The following CFAP90 variants were observed in gnomAD, a reference collection of about 807,000 sequenced individuals.
CFAP90 encodes the protein cilia- and flagella-associated protein 90.
the CFAP90 span, among the ~76,000 whole-genome samples, chr5:7,841,931 G>A: frequency 3.3e-5 from 5 of 151,912 alleles, no homozygotes; most frequent in African/African-American, 4.8e-5. Flanking sequence ...CATGGCATAC[G>A]TTTACGTATG....
the CFAP90 span, among the ~76,000 whole-genome samples, chr5:7,835,741 C>T: frequency 1.3e-5 from 2 of 152,170 alleles, no homozygotes; most frequent in African/African-American, 4.8e-5. Flanking sequence ...ATTTTCATGG[C>T]ACTTCTCAAC....
chr5:7,843,712 G>A, the CFAP90 span, among the ~76,000 whole-genome samples: 4 of 152,188 alleles, frequency 2.6e-5, no homozygotes, highest in Admixed American at 1.3e-4. Context: ...GCTGAAACTC[G>A]AATTCAATCT....
chr5:7,850,798 AGC>A, the CFAP90 span: 1 of 232,094 alleles, frequency 4.3e-6, no homozygotes, highest in Non-Finnish European at 5.3e-6. Flanking sequence ...CCAGCCGCCC[AGC>A]CGCCCAGCCG....
chr5:7,851,039 C>A, the CFAP90 span: 1 of 1,240,530 alleles, frequency 8.1e-7, no homozygotes. Context: ...CCGTCCAGCG[C>A]CCCCGCCTTG....
chr5:7,835,565 G>C, the CFAP90 span: 1 of 903,070 alleles, frequency 1.1e-6, no homozygotes, highest in Non-Finnish European at 1.8e-6. Flanking sequence ...GCCCGATGGA[G>C]CACAGAGGCC....
chr5:7,838,274 A>C, the CFAP90 span, among the ~76,000 whole-genome samples: 2 of 152,196 alleles, frequency 1.3e-5, no homozygotes, highest in Admixed American at 1.3e-4. Context: ...AGAAAATATC[A>C]ATCACTTTGA....
At chr5:7,850,080 T>A in the CFAP90 span, among the ~76,000 whole-genome samples, 51 of 152,152 alleles carry the variant, frequency 3.4e-4, no homozygotes, top group Middle Eastern at 3.4e-3. Context: ...GGGTCCTATC[T>A]GAGCATTCCC....
chr5:7,850,826 GCCCAGCCGCCCAGCCT>G, the CFAP90 span: 1 of 729,640 alleles, frequency 1.4e-6, no homozygotes, highest in Non-Finnish European at 1.8e-6. Flanking sequence ...CCGCCCAGCC[GCCCAGCCGCCCAGCCT>G]TCCGGTCTCC....
chr5:7,848,033 C>A, the CFAP90 span, among the ~76,000 whole-genome samples: 1 of 152,188 alleles, frequency 6.6e-6, no homozygotes, highest in African/African-American at 2.4e-5. Context: ...ATTTTTTCCA[C>A]TGTTTATCTC....
At chr5:7,838,194 A>G in the CFAP90 span, among the ~76,000 whole-genome samples, 8,459 of 152,268 alleles carry the variant, frequency 0.056, 805 homozygotes, top group African/African-American at 0.19. Context: ...ATTCTGGATG[A>G]TGAGAAAAAT....
chr5:7,835,939 T>C, the CFAP90 span, among the ~76,000 whole-genome samples: 1 of 152,152 alleles, frequency 6.6e-6, no homozygotes. Context: ...GGCTGCGAAG[T>C]CCAAGTTCAA....
At chr5:7,843,601 G>A in the CFAP90 span, among the ~76,000 whole-genome samples, 1 of 152,044 alleles carries the variant, frequency 6.6e-6, no homozygotes, top group Admixed American at 6.6e-5. Context: ...GGTGATTGTG[G>A]AGTCAATTGT....
At chr5:7,832,172 GC>G in the CFAP90 span, 1 of 754,874 alleles carries the variant, frequency 1.3e-6, no homozygotes, top group Non-Finnish European at 2.1e-6. Context: ...CCACGCTGAA[GC>G]CAGGGGCTTC....
the CFAP90 span, among the ~76,000 whole-genome samples, chr5:7,838,243 G>T: frequency 2.0e-5 from 3 of 152,210 alleles, no homozygotes; most frequent in Non-Finnish European, 4.4e-5. Context: ...TCGTACACAT[G>T]AAAACAATAG....
chr5:7,836,813 T>G, the CFAP90 span, among the ~76,000 whole-genome samples: 3 of 152,224 alleles, frequency 2.0e-5, no homozygotes, highest in East Asian at 1.9e-4. Context: ...TTCAGGCAGA[T>G]AAGCGAACTT....
chr5:7,835,932 T>C, the CFAP90 span, among the ~76,000 whole-genome samples: 1 of 152,194 alleles, frequency 6.6e-6, no homozygotes, highest in African/African-American at 2.4e-5. Context: ...TCCTGGAGGC[T>C]GCGAAGTCCA....
the CFAP90 span, among the ~76,000 whole-genome samples, chr5:7,833,479 C>A: frequency 1.4e-5 from 2 of 140,478 alleles, no homozygotes; most frequent in African/African-American, 5.9e-5. Context: ...CACACATATA[C>A]ACACATATAT....
chr5:7,840,041 T>C, the CFAP90 span, among the ~76,000 whole-genome samples: 1 of 152,206 alleles, frequency 6.6e-6, no homozygotes, highest in Non-Finnish European at 1.5e-5. Flanking sequence ...GGGATTTAGA[T>C]GCTATCACAA....
the CFAP90 span, chr5:7,831,570 G>T: frequency 2.5e-5 from 8 of 314,952 alleles, no homozygotes; most frequent in Non-Finnish European, 4.1e-5. Flanking sequence ...CAATGAATCG[G>T]TCTCCAGATT....
Sources: gnomAD v4.1 joint callset for allele counts (sites outside exome capture counted in the v4.1 genomes callset) on GRCh38, gnomAD v4.1.1 for gene constraint, MANE v1.5 for transcripts, NCBI Gene and HGNC (gene_info 2026-07-23, HGNC 2026-07-21) for gene names.